The following SEMA3A variants were observed in gnomAD, a reference collection of about 807,000 sequenced individuals.
The protein encoded by SEMA3A is semaphorin 3A, also known as semaphorin-3A.
Under a neutral mutation model 97.9 loss-of-function variants are expected in SEMA3A, and 29 were observed. The observed-to-expected ratio is 0.30, with a 90% CI of 0.22 to 0.40. The LOEUF (loss-of-function observed/expected upper bound fraction) is 0.40. SEMA3A is among the 10% of genes least tolerant of loss of function. SEMA3A has a pLI of 1.00. For synonymous variants in SEMA3A, 321 were observed against 323.7 expected, an observed-to-expected ratio of 0.99 and a Z score of 0.09; for missense variants, 763 against 951.3, an observed-to-expected ratio of 0.80 and a Z score of 2.60.
chr7:84,454,614 G>T (rs943567164), intron 1 of SEMA3A, among the ~76,000 whole-genome samples: 2 of 152,130 alleles, frequency 1.3e-5, no homozygotes, highest in Admixed American at 6.5e-5. Flanking sequence ...AATTTTCAGT[G>T]AAATATTGTA....
intron 1 of SEMA3A, among the ~76,000 whole-genome samples, chr7:84,441,892 A>C (rs1350568900): frequency 6.6e-6 from 1 of 152,192 alleles, no homozygotes; most frequent in Admixed American, 6.5e-5. Context: ...CAAAATGCAA[A>C]AAACAAACAA....
chr7:84,049,583 C>A (rs917648542), intron 5 of SEMA3A, among the ~76,000 whole-genome samples: 2 of 152,024 alleles, frequency 1.3e-5, no homozygotes, highest in Admixed American at 1.3e-4. Flanking sequence ...AAGAAATTTA[C>A]AGTACCTCAG....
intron 1 of SEMA3A, among the ~76,000 whole-genome samples, chr7:84,150,937 CCCCT>C (rs1562815575): frequency 6.0e-5 from 9 of 149,516 alleles, no homozygotes; most frequent in Non-Finnish European, 1.0e-4. Context: ...TGACCCCTGA[CCCCT>C]GAGCAGCCTA....
intron 1 of SEMA3A, among the ~76,000 whole-genome samples, chr7:84,478,132 T>C (rs557794803): frequency 1.9e-4 from 29 of 152,306 alleles, no homozygotes; most frequent in African/African-American, 7.0e-4. Flanking sequence ...TCCCCTGCCC[T>C]CAGTTGCTCA....
intron 4 of SEMA3A, among the ~76,000 whole-genome samples, chr7:84,101,292 C>T (rs1250912563): frequency 1.3e-5 from 2 of 152,050 alleles, no homozygotes; most frequent in African/African-American, 4.8e-5. Flanking sequence ...GGTTCCATAA[C>T]TTTGGATGCA....
intron 1 of SEMA3A, 64 bp downstream of exon 1, chr7:84,194,411 C>G: frequency 9.4e-7 from 1 of 1,058,926 alleles, no homozygotes; most frequent in Non-Finnish European, 1.4e-6. Flanking sequence ...GGAGGGAGTT[C>G]AAGGAATTAA....
At chr7:84,248,403 T>A (rs1286667193) in intron 3 of SEMA3A, among the ~76,000 whole-genome samples, 1 of 152,308 alleles carries the variant, frequency 6.6e-6, no homozygotes, top group East Asian at 1.9e-4. Flanking sequence ...ATGCCCGGCA[T>A]GCAAATACTT....
intron 1 of SEMA3A, among the ~76,000 whole-genome samples, chr7:84,190,110 G>C (rs1407434578): frequency 6.6e-6 from 1 of 151,626 alleles, no homozygotes; most frequent in Non-Finnish European, 1.5e-5. Context: ...ACATGAATTT[G>C]TTTTGCGGTC....
intron 12 of SEMA3A, among the ~76,000 whole-genome samples, chr7:83,985,846 G>C (rs977444970): frequency 6.6e-6 from 1 of 152,182 alleles, no homozygotes; most frequent in Non-Finnish European, 1.5e-5. Context: ...GTAGAGCTTT[G>C]TTCTACATTG....
chr7:84,456,528 A>T (rs1282600548), intron 1 of SEMA3A, among the ~76,000 whole-genome samples: 2 of 151,970 alleles, frequency 1.3e-5, no homozygotes, highest in East Asian at 3.9e-4. Flanking sequence ...GTAAAACTAG[A>T]TGTCTGACAT....
chr7:84,286,536 C>T (rs182762525), intron 3 of SEMA3A, among the ~76,000 whole-genome samples: 3 of 152,188 alleles, frequency 2.0e-5, no homozygotes, highest in Admixed American at 2.0e-4. Flanking sequence ...TTGATGGATT[C>T]ATATTTTATT....
At chr7:84,446,912 A>C (rs1280950785) in intron 1 of SEMA3A, among the ~76,000 whole-genome samples, 1 of 152,070 alleles carries the variant, frequency 6.6e-6, no homozygotes, top group East Asian at 1.9e-4. Flanking sequence ...TGGGTGGGGC[A>C]GGAGCCCCGC....
intron 3 of SEMA3A, among the ~76,000 whole-genome samples, chr7:84,250,723 A>G (rs1205862225): frequency 6.6e-6 from 1 of 152,202 alleles, no homozygotes; most frequent in African/African-American, 2.4e-5. Flanking sequence ...ATCTGTTTTC[A>G]TAATTCAATA....
chr7:84,067,555 T>C (rs1227954503), intron 4 of SEMA3A, among the ~76,000 whole-genome samples: 2 of 151,944 alleles, frequency 1.3e-5, no homozygotes, highest in Admixed American at 6.6e-5. Context: ...GAATCTACAT[T>C]GAACTCAAAC....
chr7:84,095,839 A>C (rs1794756884), intron 4 of SEMA3A, among the ~76,000 whole-genome samples: 1 of 152,008 alleles, frequency 6.6e-6, no homozygotes, highest in Non-Finnish European at 1.5e-5. Flanking sequence ...AACTACTTTT[A>C]TGAGAATAAA....
At chr7:84,354,043 G>T (rs948843321) in intron 2 of SEMA3A, among the ~76,000 whole-genome samples, 2 of 151,406 alleles carry the variant, frequency 1.3e-5, no homozygotes, top group Non-Finnish European at 3.0e-5. Context: ...AAAAAAGAAA[G>T]AAATAAAAAT....
At chr7:83,990,260 T>A (rs1939337947) in intron 12 of SEMA3A, among the ~76,000 whole-genome samples, 1 of 152,158 alleles carries the variant, frequency 6.6e-6, no homozygotes, top group Admixed American at 6.5e-5. Flanking sequence ...TTCTCCCATT[T>A]TGTAGGTTGC....
At chr7:84,451,966 T>A (rs911766348) in intron 1 of SEMA3A, among the ~76,000 whole-genome samples, 2 of 152,204 alleles carry the variant, frequency 1.3e-5, no homozygotes, top group African/African-American at 4.8e-5. Context: ...AAATTTGCAA[T>A]CTTTCTTCTC....
intron 4 of SEMA3A, among the ~76,000 whole-genome samples, chr7:84,100,604 G>A (rs750560457): frequency 1.6e-4 from 25 of 152,210 alleles, no homozygotes; most frequent in African/African-American, 2.2e-4. Flanking sequence ...TACCAACACC[G>A]AAGTTAGATT....
Sources: allele counts gnomAD v4.1 joint callset (sites outside exome capture counted in the v4.1 genomes callset), GRCh38; gene constraint gnomAD v4.1.1; transcripts MANE v1.5; gene names NCBI Gene and HGNC (gene_info 2026-07-23, HGNC 2026-07-21).